HS6ST2: variants seen among roughly 807,000 people sequenced by gnomAD.
HS6ST2 encodes the protein heparan-sulfate 6-O-sulfotransferase 2.
Under a neutral mutation model 33.0 loss-of-function variants are expected in HS6ST2, and 17 were observed. That is an observed-to-expected ratio of 0.52 (90% CI 0.35 to 0.77). The LOEUF is 0.77. Ranked by LOEUF, HS6ST2 falls within the 30% of genes least tolerant of loss-of-function variation. HS6ST2 has a pLI of 0.01. For missense variants in HS6ST2, 519 were observed against 551.7 expected (o/e 0.94, Z 0.59); for synonymous variants, 248 against 237.1 (o/e 1.05, Z -0.42).
chrX:132,903,441 A>T (rs1381449119), intron 2 of HS6ST2, among the ~76,000 whole-genome samples: 7 of 112,048 alleles, frequency 6.2e-5, no homozygotes, highest in Non-Finnish European at 5.6e-5. Context: ...CAATGAGTTG[A>T]TCATAAAATT....
chrX:132,702,703 A>G lies in HS6ST2; in HGVS notation c.980+5759T>C, dbSNP rs749397051. Among the ~76,000 whole-genome samples, 17 of 111,859 alleles carry G rather than the reference A, an allele frequency of 1.5e-4. No individual in the cohort carries two copies. In the South Asian group the frequency reaches 6.4e-3, roughly 42 times the overall value. On this transcript the variant is annotated intron_variant, in intron 3 of 4. Transcript: ENST00000370833. ...CTGATCACTCTCCAACTGTCTGACC[A>G]TTCTCTGTCCAATGTGTTTGATTTC... is the stretch of plus-strand genomic sequence containing the variant.
chrX:132,772,795 A>G (rs1474834545), intron 2 of HS6ST2, among the ~76,000 whole-genome samples: 1 of 91,176 alleles, frequency 1.1e-5, no homozygotes, highest in Non-Finnish European at 2.1e-5. Context: ...TATATGATAT[A>G]ATATAAAATA....
chrX:132,929,930 C>G (rs943802151), intron 2 of HS6ST2, among the ~76,000 whole-genome samples: 3 of 111,255 alleles, frequency 2.7e-5, no homozygotes, highest in African/African-American at 9.8e-5. Flanking sequence ...CCCTCTTCCC[C>G]CAGAGACATC....
intron 2 of HS6ST2, among the ~76,000 whole-genome samples, chrX:132,949,865 C>T (rs969186594): frequency 1.8e-5 from 2 of 110,547 alleles, no homozygotes; most frequent in Non-Finnish European, 3.8e-5. Flanking sequence ...CTCGCTCGCT[C>T]GCTCGCTATC....
intron 2 of HS6ST2, among the ~76,000 whole-genome samples, chrX:132,935,191 G>GA (rs72545224): frequency 0.019 from 2 of 108 alleles, no homozygotes; most frequent in African/African-American, 0.054. Flanking sequence ...TTTAAATAAT[G>GA]GTGGAACAAC....
intron 2 of HS6ST2, among the ~76,000 whole-genome samples, chrX:132,866,098 T>A (rs2065975972): frequency 9.1e-6 from 1 of 110,105 alleles, no homozygotes; most frequent in Non-Finnish European, 1.9e-5. Context: ...TCTTCTAGGG[T>A]TTTTATGGTT....
intron 3 of HS6ST2, among the ~76,000 whole-genome samples, chrX:132,688,907 A>G (rs754707469): frequency 6.2e-5 from 7 of 112,525 alleles, no homozygotes; most frequent in Non-Finnish European, 1.1e-4. Flanking sequence ...AAGAGGCAGA[A>G]GGCAGAAAAC....
intron 2 of HS6ST2, among the ~76,000 whole-genome samples, chrX:132,857,671 C>T (rs184453782): frequency 9.0e-6 from 1 of 111,465 alleles, no homozygotes; most frequent in East Asian, 2.8e-4. Flanking sequence ...GAAGAACACA[C>T]TTGGTCCGGA....
chrX:132,812,313 G>A (rs1304941469), intron 2 of HS6ST2, among the ~76,000 whole-genome samples: 2 of 106,809 alleles, frequency 1.9e-5, no homozygotes, highest in African/African-American at 3.4e-5. Flanking sequence ...GCTGAGGCAG[G>A]AGAATTGCTT....
chrX:132,642,259 C>T (rs187888591), intron 4 of HS6ST2, among the ~76,000 whole-genome samples: 132 of 111,527 alleles, frequency 1.2e-3, no homozygotes, highest in Non-Finnish European at 5.8e-4. Context: ...TTGGAGAAAT[C>T]GTTAGAGGAA....
rs746275904 is a variant in HS6ST2, at chrX:132,956,973, C to T, written c.782G>A (p.Gly261Asp). The change falls in exon 2 of 5, where the codon GGT becomes GAT. Residue 261 changes from glycine to aspartate, a missense_variant. Coordinates refer to ENST00000370833, the MANE Select transcript of HS6ST2 (RefSeq NM_001394073.1). ...CCGGTGGCAAGTGCATTTCTTCTGA[C>T]CCACGCGGCACTCGCACGGCTGCTC... ...QLEQPCECRV[G>D]QKKCTCHRPG... 2.5e-6 allele frequency: 3 copies of T among 1,210,586 alleles called. No homozygotes were observed. The Admixed American group carries it at 6.5e-5, about 26-fold the overall frequency.
At chrX:132,862,639 C>T (rs995166178) in intron 2 of HS6ST2, among the ~76,000 whole-genome samples, 1 of 112,104 alleles carries the variant, frequency 8.9e-6, no homozygotes, top group African/African-American at 3.2e-5. Context: ...CTTAGTCACA[C>T]TAGAAACATT....
At chrX:132,932,552 CAG>C (rs1372068807) in intron 2 of HS6ST2, among the ~76,000 whole-genome samples, 1 of 110,812 alleles carries the variant, frequency 9.0e-6, no homozygotes, top group East Asian at 2.8e-4. Flanking sequence ...AATCATTATC[CAG>C]AGTTTCAAAA....
At chrX:132,848,357 T>C (rs2065772025) in intron 2 of HS6ST2, among the ~76,000 whole-genome samples, 2 of 112,645 alleles carry the variant, frequency 1.8e-5, no homozygotes, top group Non-Finnish European at 3.8e-5. Flanking sequence ...GAGCCTGTCA[T>C]AGGACGAAGC....
intron 2 of HS6ST2, among the ~76,000 whole-genome samples, chrX:132,817,619 C>T (rs753460274): frequency 8.0e-5 from 9 of 111,981 alleles, no homozygotes; most frequent in Admixed American, 1.9e-4. Flanking sequence ...TACACAGAGC[C>T]GGCAGTGTGC....
intron 4 of HS6ST2, among the ~76,000 whole-genome samples, chrX:132,632,158 G>T (rs766304024): frequency 1.8e-3 from 206 of 111,413 alleles, no homozygotes; most frequent in Non-Finnish European, 3.0e-3. Context: ...CTGCCTTGGT[G>T]ATAACAGCCA....
intron 2 of HS6ST2, among the ~76,000 whole-genome samples, chrX:132,880,151 C>T (rs183923739): frequency 2.9e-4 from 32 of 111,983 alleles, no homozygotes; most frequent in Admixed American, 2.3e-3. Flanking sequence ...CTTTTATTCA[C>T]TGATGTATTT....
intron 4 of HS6ST2, among the ~76,000 whole-genome samples, chrX:132,630,263 C>T (rs1428711971): frequency 1.8e-5 from 2 of 112,364 alleles, no homozygotes; most frequent in Non-Finnish European, 3.8e-5. Context: ...AAAGGAAACC[C>T]GGAGAATGGC....
intron 2 of HS6ST2, among the ~76,000 whole-genome samples, chrX:132,736,835 G>T (rs1030054814): frequency 7.2e-5 from 8 of 111,748 alleles, no homozygotes; most frequent in African/African-American, 2.6e-4. Flanking sequence ...ATTCCTCCTT[G>T]CCCCTCTTGA....
Sources: gnomAD v4.1 joint callset for allele counts (sites outside exome capture counted in the v4.1 genomes callset) on GRCh38, gnomAD v4.1.1 for gene constraint, MANE v1.5 for transcripts, NCBI Gene and HGNC (gene_info 2026-07-23, HGNC 2026-07-21) for gene names.